The following DRC8 variants were observed in gnomAD, a reference collection of about 807,000 sequenced individuals.
The protein encoded by DRC8 is dynein regulatory complex protein 8.
At chr1:245,078,445 A>G in the DRC8 span, among the ~76,000 whole-genome samples, 2 of 58,900 alleles carry the variant, frequency 3.4e-5, no homozygotes, top group Admixed American at 4.6e-4. Flanking sequence ...TAAACAAATG[A>G]GTGGATAGTA....
the DRC8 span, among the ~76,000 whole-genome samples, chr1:245,100,300 G>T: frequency 6.6e-6 from 1 of 151,970 alleles, no homozygotes; most frequent in African/African-American, 2.4e-5. Context: ...CAGGAGAATT[G>T]CTTGAACCCC....
At chr1:244,990,274 G>A in the DRC8 span, among the ~76,000 whole-genome samples, 26 of 152,178 alleles carry the variant, frequency 1.7e-4, no homozygotes, top group Non-Finnish European at 8.8e-5. Context: ...CATTCATATA[G>A]CTTCCATTAC....
chr1:245,082,118 C>A, the DRC8 span: 1 of 1,612,682 alleles, frequency 6.2e-7, no homozygotes, highest in Non-Finnish European at 8.5e-7. Context: ...ACATTCGATT[C>A]GAAAAATTTC....
chr1:245,028,023 C>T, the DRC8 span, among the ~76,000 whole-genome samples: 1 of 152,136 alleles, frequency 6.6e-6, no homozygotes, highest in Non-Finnish European at 1.5e-5. Context: ...TCCTGAGTAG[C>T]TGGGACCACA....
chr1:245,093,130 A>G, the DRC8 span, among the ~76,000 whole-genome samples: 2 of 152,154 alleles, frequency 1.3e-5, no homozygotes, highest in African/African-American at 2.4e-5. Context: ...GAGGTGGGGA[A>G]GTAGGTAAAT....
the DRC8 span, among the ~76,000 whole-genome samples, chr1:245,006,795 A>AT: frequency 1.3e-5 from 2 of 152,072 alleles, no homozygotes; most frequent in African/African-American, 2.4e-5. Flanking sequence ...TTAGCTGGGC[A>AT]TGGTGGCACA....
chr1:245,028,221 G>T, the DRC8 span, among the ~76,000 whole-genome samples: 2 of 152,020 alleles, frequency 1.3e-5, no homozygotes, highest in Non-Finnish European at 2.9e-5. Context: ...TTTTGTGCTT[G>T]AATACTTTTT....
At chr1:245,114,390 C>T in the DRC8 span, among the ~76,000 whole-genome samples, 3 of 151,808 alleles carry the variant, frequency 2.0e-5, no homozygotes, top group African/African-American at 4.8e-5. Context: ...GCTTGAAACC[C>T]GGAGGCAGAG....
At chr1:244,980,031 C>T in the DRC8 span, among the ~76,000 whole-genome samples, 4 of 46,502 alleles carry the variant, frequency 8.6e-5, no homozygotes, top group East Asian at 1.3e-3. Context: ...GGTGAAACCC[C>T]GTCTCTACTA....
chr1:245,091,075 G>A, the DRC8 span: 2 of 152,186 alleles, frequency 1.3e-5, no homozygotes, highest in African/African-American at 2.4e-5. Flanking sequence ...GACCTGATGT[G>A]CCACTGGCTC....
At chr1:245,032,084 A>G in the DRC8 span, among the ~76,000 whole-genome samples, 2 of 152,204 alleles carry the variant, frequency 1.3e-5, no homozygotes, top group Non-Finnish European at 2.9e-5. Context: ...TATATCACAG[A>G]TAGAAGAAGT....
chr1:245,050,379 C>T, the DRC8 span, among the ~76,000 whole-genome samples: 8 of 152,100 alleles, frequency 5.3e-5, no homozygotes, highest in African/African-American at 1.9e-4. Context: ...GGATAACAGG[C>T]GTGACCCACC....
the DRC8 span, chr1:245,017,188 GT>G: frequency 6.5e-7 from 1 of 1,537,174 alleles, no homozygotes. Context: ...TAGAATTTTT[GT>G]TTTGAATTCA....
At chr1:245,070,744 G>A in the DRC8 span, among the ~76,000 whole-genome samples, 1 of 152,164 alleles carries the variant, frequency 6.6e-6, no homozygotes, top group South Asian at 2.1e-4. Flanking sequence ...TTTCTATGAT[G>A]CTGTGGTCAG....
chr1:245,098,136 T>C, the DRC8 span, among the ~76,000 whole-genome samples: 1 of 151,898 alleles, frequency 6.6e-6, no homozygotes, highest in African/African-American at 2.4e-5. Flanking sequence ...TCCCAGTGGA[T>C]GGGATGGAAG....
At chr1:244,976,119 A>G in the DRC8 span, among the ~76,000 whole-genome samples, 1 of 151,800 alleles carries the variant, frequency 6.6e-6, no homozygotes, top group African/African-American at 2.4e-5. Flanking sequence ...AAATACAAAA[A>G]TTAGTTGGGT....
At chr1:244,978,553 G>C in the DRC8 span, among the ~76,000 whole-genome samples, 1 of 151,522 alleles carries the variant, frequency 6.6e-6, no homozygotes, top group East Asian at 1.9e-4. Context: ...GCAGTGGCTT[G>C]ATCACAGCTC....
At chr1:245,028,417 C>T in the DRC8 span, among the ~76,000 whole-genome samples, 18 of 152,178 alleles carry the variant, frequency 1.2e-4, no homozygotes, top group South Asian at 2.1e-4. Context: ...GATCTTATTT[C>T]TCTCCTGCAC....
chr1:245,022,193 A>T, the DRC8 span, among the ~76,000 whole-genome samples: 1 of 150,368 alleles, frequency 6.7e-6, no homozygotes, highest in Non-Finnish European at 1.5e-5. Flanking sequence ...TTGCCCAGGC[A>T]GGAGCGCAGT....
Sources: gnomAD v4.1 joint callset for allele counts (sites outside exome capture counted in the v4.1 genomes callset) on GRCh38, gnomAD v4.1.1 for gene constraint, MANE v1.5 for transcripts, NCBI Gene and HGNC (gene_info 2026-07-23, HGNC 2026-07-21) for gene names.